The following CYP46A1 variants were observed in gnomAD, a reference collection of about 807,000 sequenced individuals.
CYP46A1 encodes the protein cholesterol 24-hydroxylase.
In CYP46A1, 20 loss-of-function variants were observed where a neutral mutation model predicts 63.3. The ratio of observed to expected loss-of-function variants is 0.32; its 90% CI spans 0.22 to 0.46. The LOEUF is 0.46. Among genes scored for constraint, CYP46A1 ranks in the 20% least tolerant of loss-of-function variants. The pLI, the probability that CYP46A1 is intolerant of heterozygous loss-of-function variation, is 1.00. For synonymous variants in CYP46A1, 268 were observed against 273.6 expected (o/e 0.98, Z 0.20); for missense variants, 445 against 670.8 (o/e 0.66, Z 3.72).
intron 7 of CYP46A1, 72 bp from the exon 8 acceptor site, chr14:99,715,738 G>A (rs528967388): frequency 1.6e-5 from 26 of 1,597,268 alleles, no homozygotes; most frequent in African/African-American, 1.5e-4. Flanking sequence ...ACGTCATTTC[G>A]GGGTGGTGGG....
intron 9 of CYP46A1, among the ~76,000 whole-genome samples, chr14:99,716,744 G>T (rs1481775046): frequency 6.6e-6 from 1 of 152,194 alleles, no homozygotes; most frequent in African/African-American, 2.4e-5. Flanking sequence ...AGTGACGTCT[G>T]TTCCCCACCA....
chr14:99,685,310 T>TCCCC (rs2056483878), intron 1 of CYP46A1, among the ~76,000 whole-genome samples: 1 of 12,606 alleles, frequency 7.9e-5, no homozygotes, highest in African/African-American at 3.1e-4. Context: ...AGCCTCCCCC[T>TCCCC]CCCCCCGCCC....
intron 4 of CYP46A1, among the ~76,000 whole-genome samples, chr14:99,699,784 CCTTTTT>C (rs1201569182): frequency 6.6e-6 from 1 of 152,186 alleles, no homozygotes; most frequent in African/African-American, 2.4e-5. Flanking sequence ...TCATCCTTTT[CCTTTTT>C]AAGTTATTTT....
chr14:99,716,774 C>G (rs1181805216), intron 9 of CYP46A1, among the ~76,000 whole-genome samples: 1 of 152,196 alleles, frequency 6.6e-6, no homozygotes, highest in Non-Finnish European at 1.5e-5. Flanking sequence ...AGCGAAGGGT[C>G]AGGTTGTTTT....
In CYP46A1 at chr14:99,726,695, T is replaced by C; in HGVS notation, c.1471T>C (p.Trp491Arg). The C allele has an allele frequency of 6.5e-7, 1 of 1,543,824 alleles. No individual in the cohort carries two copies. Among genetic ancestry groups the C allele is most frequent in the South Asian group, 1.2e-5 (1 of 83,396 alleles). ...PVLCTLRPRG[W>R]QPAPPPPPC ...GCTGTGCACCCTGCGGCCCCGCGGC[T>C]GGCAGCCCGCACCCCCACCACCCCC... Residue 491 changes from tryptophan to arginine, a missense_variant, in exon 15 of 15, where the codon TGG becomes CGG. Coordinates refer to ENST00000261835, the MANE Select transcript of CYP46A1 (RefSeq NM_006668.2).
chr14:99,713,598 G>A (rs913439258), intron 7 of CYP46A1, among the ~76,000 whole-genome samples: 1 of 151,902 alleles, frequency 6.6e-6, no homozygotes, highest in Non-Finnish European at 1.5e-5. Context: ...GACAAACGTG[G>A]CCAGGCATGG....
At chr14:99,717,466 C>T (rs1023766193) in intron 9 of CYP46A1, among the ~76,000 whole-genome samples, 6 of 152,132 alleles carry the variant, frequency 3.9e-5, no homozygotes, top group Admixed American at 1.3e-4. Flanking sequence ...CTGAGGGCTC[C>T]GCTGGCTGTG....
chr14:99,692,955 C>T lies in CYP46A1; in HGVS notation c.282+1094C>T, dbSNP rs571859895. On this transcript the variant is annotated intron_variant, in intron 3 of 14. Transcript: ENST00000261835. Reference sequence around the variant, plus strand: ...GAGTTGGCAGAACTGGGCTCAACTCCGGGCTCTGCCACCAACTGGCTGTGG... The same window carrying T: ...GAGTTGGCAGAACTGGGCTCAACTCTGGGCTCTGCCACCAACTGGCTGTGG... Among the ~76,000 whole-genome samples the T allele has an allele frequency of 2.0e-5, 3 of 152,330 alleles. No individual in the cohort carries two copies. The East Asian group carries it at 5.8e-4, about 29-fold the overall frequency.
chr14:99,724,439 AC>A (rs1313100790), intron 12 of CYP46A1, among the ~76,000 whole-genome samples: 1 of 152,028 alleles, frequency 6.6e-6, no homozygotes, highest in African/African-American at 2.4e-5. Flanking sequence ...TACCAATACC[AC>A]TGTGCCTTAA....
At chr14:99,694,371 CT>C (rs74872295) in intron 3 of CYP46A1, among the ~76,000 whole-genome samples, 1,600 of 86,250 alleles carry the variant, frequency 0.019, 19 homozygotes, top group African/African-American at 0.06. Flanking sequence ...TTTGGGTTTT[CT>C]TTTTTTTTTT....
At chr14:99,705,507 T>TGGCCCC (rs2056668297) in intron 5 of CYP46A1, among the ~76,000 whole-genome samples, 1 of 152,256 alleles carries the variant, frequency 6.6e-6, no homozygotes, top group Non-Finnish European at 1.5e-5. Flanking sequence ...CCCCTGGCCC[T>TGGCCCC]GGCCCCATTT....
In CYP46A1 at chr14:99,726,537, A is replaced by G. The variant is rs2056900450; in HGVS notation, c.1333-20A>G. The stretch of plus-strand genomic sequence containing the variant: ...GTCTTTGCTCCTTCATTCCTTCCTC[A>G]TTTTGCCCGCTGGGCCCAGATGGAG... On this transcript the variant is annotated intron_variant, in intron 14 of 14. Coordinates refer to ENST00000261835, the MANE Select transcript of CYP46A1 (RefSeq NM_006668.2). The G allele has an allele frequency of 4.5e-6, 7 of 1,548,626 alleles. No homozygotes were observed. The highest frequency in any genetic ancestry group is 2.3e-5 in the East Asian group (1 of 43,118).
intron 7 of CYP46A1, among the ~76,000 whole-genome samples, chr14:99,714,413 A>G (rs1461812714): frequency 1.3e-5 from 2 of 152,222 alleles, no homozygotes; most frequent in African/African-American, 4.8e-5. Context: ...CACCTGCACA[A>G]TAGCCAAAAT....
chr14:99,721,622 G>T (rs753346794), intron 11 of CYP46A1, among the ~76,000 whole-genome samples: 11 of 152,174 alleles, frequency 7.2e-5, no homozygotes, highest in Admixed American at 4.6e-4. Flanking sequence ...TCCCCTGGTG[G>T]AGTCAGGCTC....
intron 1 of CYP46A1, among the ~76,000 whole-genome samples, chr14:99,690,454 T>C (rs1036445253): frequency 1.3e-5 from 2 of 152,200 alleles, no homozygotes; most frequent in Admixed American, 6.5e-5. Flanking sequence ...TTGTCACCCA[T>C]TGGGGATGCT....
chr14:99,726,072 C>A, intron 13 of CYP46A1, 118 bp from the exon 14 acceptor site: 1 of 881,962 alleles, frequency 1.1e-6, no homozygotes, highest in Non-Finnish European at 1.9e-6. Context: ...GCAAAGTGCC[C>A]AGCCCCTGGC....
At chr14:99,690,732 G>A (rs750040705) in intron 1 of CYP46A1, among the ~76,000 whole-genome samples, 3 of 152,182 alleles carry the variant, frequency 2.0e-5, no homozygotes, top group Admixed American at 6.5e-5. Flanking sequence ...GGAGGTTGGA[G>A]GGGTGAAGCC....
At chr14:99,704,607 T>G (rs1037810228) in intron 5 of CYP46A1, among the ~76,000 whole-genome samples, 4 of 152,222 alleles carry the variant, frequency 2.6e-5, no homozygotes, top group African/African-American at 9.6e-5. Context: ...CCAGTTTTGT[T>G]TCTACAATAG....
chr14:99,696,820 C>T (rs2056590756), intron 3 of CYP46A1, among the ~76,000 whole-genome samples: 1 of 152,124 alleles, frequency 6.6e-6, no homozygotes, highest in South Asian at 2.1e-4. Flanking sequence ...CATTTTTGGG[C>T]ACTAGGTTTT....
Sources: gnomAD v4.1 joint callset for allele counts (sites outside exome capture counted in the v4.1 genomes callset) on GRCh38, gnomAD v4.1.1 for gene constraint, MANE v1.5 for transcripts, NCBI Gene and HGNC (gene_info 2026-07-23, HGNC 2026-07-21) for gene names.